The following DNAH8 variants were observed in gnomAD, a reference collection of about 807,000 sequenced individuals.
The protein encoded by DNAH8 is dynein axonemal heavy chain 8, also known as axonemal beta dynein heavy chain 8.
A neutral mutation model predicts 562.1 loss-of-function variants in DNAH8; 382 were observed. The observed-to-expected ratio is 0.68, with a 90% CI of 0.63 to 0.74. The LOEUF (loss-of-function observed/expected upper bound fraction) is 0.74. DNAH8 is among the 30% of genes least tolerant of loss of function. DNAH8 has a pLI of 0.00. For missense variants in DNAH8, 5,203 were observed against 5,620.4 expected, an observed-to-expected ratio of 0.93 and a Z score of 2.37; for synonymous variants, 1,881 against 1,919.4, an observed-to-expected ratio of 0.98 and a Z score of 0.52.
rs1313294085 is a variant in DNAH8 at position 38,923,108 on chromosome 6, C to T, written c.10713C>T (p.Ser3571=). ...DTCRKKMQAA[S]TLIDGLSGEK... Reference sequence around the variant, plus strand: ...GCCGGAAAAAGATGCAGGCCGCCTCCACTCTCATCGATGGGCTGAGTGGAG... The same window carrying T: ...GCCGGAAAAAGATGCAGGCCGCCTCTACTCTCATCGATGGGCTGAGTGGAG... Residue 3571 remains serine, a synonymous_variant, in exon 72 of 93, where the codon TCC becomes TCT. Coordinates refer to ENST00000327475, the MANE Select transcript of DNAH8 (RefSeq NM_001206927.2). 1 of 1,613,830 alleles carries T rather than the reference C, an allele frequency of 6.2e-7. No individual in the cohort carries two copies. The highest frequency in any genetic ancestry group is 8.5e-7 in the Non-Finnish European group (1 of 1,179,842).
In DNAH8 at chr6:38,875,579, A is replaced by C. The variant is rs1303449071; in HGVS notation, c.7621-12A>C. On this transcript the variant is annotated splice_polypyrimidine_tract_variant and intron_variant, in intron 52 of 92. Transcript: ENST00000327475. The stretch of plus-strand genomic sequence containing the variant: ...TTAATTTAAAAATTTATTTTATTTG[A>C]AACATTTTCAGTCTCTCAATCTTCT... 8 of 1,422,766 alleles carry C rather than the reference A, an allele frequency of 5.6e-6. No individual in the cohort carries two copies. The highest frequency in any genetic ancestry group is 7.6e-6 in the Non-Finnish European group (8 of 1,055,076). The allele number at this position is 1,422,766 out of a possible 1,614,324, so 88.1% of individuals were successfully genotyped here.
intron 5 of DNAH8, among the ~76,000 whole-genome samples, chr6:38,736,748 C>T (rs532810595): frequency 9.9e-5 from 15 of 151,746 alleles, no homozygotes; most frequent in African/African-American, 2.7e-4. Flanking sequence ...CAACTTTCAA[C>T]GGAGGATTTT....
intron 82 of DNAH8, among the ~76,000 whole-genome samples, chr6:38,963,358 A>G (rs1762752757): frequency 2.1e-5 from 1 of 47,664 alleles, no homozygotes; most frequent in Non-Finnish European, 3.8e-5. Flanking sequence ...TCTTTGAGAA[A>G]GTCCTTTTTT....
chr6:39,007,391 A>T (rs754604677), intron 88 of DNAH8, among the ~76,000 whole-genome samples: 9 of 152,236 alleles, frequency 5.9e-5, no homozygotes, highest in Non-Finnish European at 8.8e-5. Flanking sequence ...TCCCTTTTAG[A>T]TTTGCCTCTC....
chr6:38,729,838 A>G, intron 3 of DNAH8, 64 bp from the exon 4 acceptor site: 2 of 857,836 alleles, frequency 2.3e-6, no homozygotes, highest in Non-Finnish European at 3.7e-6. Flanking sequence ...CATCTTCTTC[A>G]TCTGCAAAAT....
chr6:38,724,635 T>C (rs1763055500), intron 3 of DNAH8, among the ~76,000 whole-genome samples: 1 of 152,214 alleles, frequency 6.6e-6, no homozygotes, highest in African/African-American at 2.4e-5. Flanking sequence ...CTGACACTAC[T>C]AACAGTTTTG....
At chr6:38,921,933 G>T (rs901458495) in intron 71 of DNAH8, among the ~76,000 whole-genome samples, 1 of 152,014 alleles carries the variant, frequency 6.6e-6, no homozygotes, top group Admixed American at 6.6e-5. Flanking sequence ...AAAGGGAGTT[G>T]TTCTCTGGCG....
chr6:38,837,728 T>C (rs112873663), intron 32 of DNAH8, among the ~76,000 whole-genome samples: 1 of 152,230 alleles, frequency 6.6e-6, no homozygotes, highest in Non-Finnish European at 1.5e-5. Context: ...TTATATAAAA[T>C]GAATGCTTTT....
chr6:38,839,471 A>C (rs1738197), intron 33 of DNAH8, among the ~76,000 whole-genome samples: 31,157 of 151,382 alleles, frequency 0.21, 3,934 homozygotes, highest in African/African-American at 0.35. Flanking sequence ...CTCCTGCCTC[A>C]GCCTCCCAGG....
chr6:38,958,646 CA>C (rs35382684), intron 82 of DNAH8, among the ~76,000 whole-genome samples: 1,116 of 58,846 alleles, frequency 0.019, 13 homozygotes, highest in East Asian at 0.13. Context: ...AGTCTCCCAT[CA>C]AAAAAAAAAA....
Position 39,012,288 on chromosome 6 carries a change from T to C in DNAH8, c.13445T>C (p.Met4482Thr), listed in dbSNP as rs142409299. Residue 4482 changes from methionine to threonine, a missense_variant, in exon 90 of 93, where the codon ATG becomes ACG. Met to Thr is a moderately conservative substitution (Grantham distance 81). This residue lies in a region of DNAH8 where 1,399 missense variants were observed against 1,518.4 expected (regional missense o/e 0.92). Transcript: ENST00000327475. ...NIFLRQEIDR[M>T]QRVISILRSS... ...TTTCTTAGACAAGAAATTGACAGAA[T>C]GCAAAGAGTCATTTCAATACTCCGC... 72 of 1,613,122 alleles carry C rather than the reference T, an allele frequency of 4.5e-5. No individual in the cohort carries two copies. The African/African-American group carries it at 6.3e-4, about 14-fold the overall frequency.
At chr6:38,938,382 C>T (rs1783140780) in intron 78 of DNAH8, among the ~76,000 whole-genome samples, 156 bp downstream of exon 78, 1 of 152,152 alleles carries the variant, frequency 6.6e-6, no homozygotes, top group Non-Finnish European at 1.5e-5. Flanking sequence ...AAAGGTGGTA[C>T]ATATACAACG....
At chr6:38,920,929 C>T (rs927240226) in intron 70 of DNAH8, among the ~76,000 whole-genome samples, 23 of 152,086 alleles carry the variant, frequency 1.5e-4, no homozygotes, top group African/African-American at 4.1e-4. Context: ...CTCACTCTGT[C>T]GCCCAGGCTG....
At chr6:38,874,078 T>TTCTTTCTTTC (rs1554124183) in intron 52 of DNAH8, among the ~76,000 whole-genome samples, 2 of 63,690 alleles carry the variant, frequency 3.1e-5, no homozygotes, top group African/African-American at 4.7e-5. Flanking sequence ...TTTTCTTTCT[T>TTCTTTCTTTC]TCTTTCTTTC....
Position 38,832,280 on chromosome 6 carries a change from T to C in DNAH8, c.4189-42T>C, listed in dbSNP as rs1248404624. 3.1e-6 allele frequency: 4 copies of C among 1,289,542 alleles called. No homozygotes were observed. In the South Asian group the frequency reaches 3.6e-5, roughly 12 times the overall value. The allele number at this position is 1,289,542 out of a possible 1,614,324, so 79.9% of individuals were successfully genotyped here. ...AGAATTGTAATTTTTGTTTTTAATATGTTACTTTCACTCTCAGGTTGAATA... is the reference window on the plus strand; with the variant it reads ...AGAATTGTAATTTTTGTTTTTAATACGTTACTTTCACTCTCAGGTTGAATA... On this transcript the variant is annotated intron_variant, in intron 30 of 92. Transcript: ENST00000327475.
At chr6:38,864,722 G>A (rs541641640) in intron 45 of DNAH8, among the ~76,000 whole-genome samples, 5 of 152,250 alleles carry the variant, frequency 3.3e-5, no homozygotes, top group African/African-American at 1.2e-4. Flanking sequence ...CCATCCTATC[G>A]TGTAACTAGA....
chr6:38,790,266 A>C (rs1482666575), intron 19 of DNAH8, 23 bp from the exon 20 acceptor site: 2 of 1,242,724 alleles, frequency 1.6e-6, no homozygotes, highest in South Asian at 1.2e-5. Context: ...TAATAGAAGC[A>C]GTTGTGTTTT....
chr6:38,840,576 A>C (rs2150368291), intron 33 of DNAH8, among the ~76,000 whole-genome samples: 1 of 152,344 alleles, frequency 6.6e-6, no homozygotes, highest in East Asian at 1.9e-4. Flanking sequence ...TGGATTTTAT[A>C]AAATTCATCT....
chr6:38,756,354 A>G (rs946714195), intron 10 of DNAH8, among the ~76,000 whole-genome samples: 2 of 152,072 alleles, frequency 1.3e-5, no homozygotes, highest in African/African-American at 4.8e-5. Flanking sequence ...TTTTGATTCT[A>G]CCCAAGAGAT....
Sources: gnomAD v4.1 joint callset for allele counts (sites outside exome capture counted in the v4.1 genomes callset) on GRCh38, gnomAD v4.1.1 for gene constraint, gnomAD v4.1.1 regional missense constraint, MANE v1.5 for transcripts, NCBI Gene and HGNC (gene_info 2026-07-23, HGNC 2026-07-21) for gene names.